EPHA5: variants seen among roughly 807,000 people sequenced by gnomAD.
EPHA5 encodes EPH receptor A5.
EPHA5 carries 60 observed loss-of-function variants against 105.0 expected under a neutral mutation model. The ratio of observed to expected loss-of-function variants is 0.57; its 90% CI spans 0.46 to 0.71. The LOEUF (loss-of-function observed/expected upper bound fraction) is 0.71. EPHA5 is among the 30% of genes least tolerant of loss of function. The pLI, the probability that EPHA5 is intolerant of heterozygous loss-of-function variation, is 0.00. For missense variants in EPHA5, 1,218 were observed against 1,274.7 expected (o/e 0.96, Z 0.68); for synonymous variants, 513 against 449.1 (o/e 1.14, Z -1.80).
Position 65,669,860 on chromosome 4 carries a change from C to T in EPHA5, c.-118G>A, listed in dbSNP as rs1171505837. ...CTTGTCCCCCCTTGGGGTCCTACGC[C>T]TTCTGGCACGCGGCTCCTCCAAATG... On this transcript the variant is annotated 5_prime_UTR_variant, in exon 1 of 17. Coordinates refer to ENST00000613740, the MANE Select transcript of EPHA5 (RefSeq NM_001281766.3). The T allele has an allele frequency of 8.2e-7, 1 of 1,225,280 alleles. No individual in the cohort carries two copies. Among genetic ancestry groups the T allele is most frequent in the Non-Finnish European group, 1.0e-6 (1 of 982,586 alleles). The allele number at this position is 1,225,280 out of a possible 1,614,324, so 75.9% of individuals were successfully genotyped here.
chr4:65,454,208 A>G (rs561138398), intron 5 of EPHA5, among the ~76,000 whole-genome samples: 1 of 152,230 alleles, frequency 6.6e-6, no homozygotes, highest in East Asian at 1.9e-4. Context: ...TGAACTCAGG[A>G]GGCGGAGGTT....
chr4:65,450,062 T>C (rs779222914), intron 5 of EPHA5, among the ~76,000 whole-genome samples: 47 of 152,142 alleles, frequency 3.1e-4, no homozygotes, highest in Non-Finnish European at 6.2e-4. Flanking sequence ...GTTTAAAGCA[T>C]TAAAAAGAAA....
intron 3 of EPHA5, among the ~76,000 whole-genome samples, chr4:65,517,113 T>C (rs139504439): frequency 0.017 from 2,615 of 152,208 alleles, 85 homozygotes; most frequent in African/African-American, 0.059. Context: ...TCATTAATTC[T>C]GTCACATTTT....
intron 3 of EPHA5, among the ~76,000 whole-genome samples, chr4:65,507,667 T>C (rs1733188751): frequency 6.6e-6 from 1 of 152,158 alleles, no homozygotes; most frequent in South Asian, 2.1e-4. Context: ...TCCTCCCTAT[T>C]TGTCTGTTAT....
chr4:65,348,715 GTA>G (rs1332904631), intron 13 of EPHA5, among the ~76,000 whole-genome samples: 5 of 115,568 alleles, frequency 4.3e-5, no homozygotes, highest in African/African-American at 9.5e-5. Flanking sequence ...ATATGTGTGT[GTA>G]TATATATGTG....
intron 14 of EPHA5, among the ~76,000 whole-genome samples, chr4:65,339,797 C>T (rs1354870167): frequency 6.6e-6 from 1 of 152,084 alleles, no homozygotes; most frequent in African/African-American, 2.4e-5. Context: ...ACTCATGCCA[C>T]ACTCACTTGG....
chr4:65,524,147 G>A (rs756513537), intron 3 of EPHA5, among the ~76,000 whole-genome samples: 4 of 151,812 alleles, frequency 2.6e-5, no homozygotes, highest in Non-Finnish European at 5.9e-5. Flanking sequence ...AATCAAACAA[G>A]AGGAATGAGA....
At chr4:65,520,011 G>T in intron 3 of EPHA5, among the ~76,000 whole-genome samples, 1 of 152,240 alleles carries the variant, frequency 6.6e-6, no homozygotes, top group Non-Finnish European at 1.5e-5. Context: ...TTTCTTCACA[G>T]AATTGGAAAA....
chr4:65,473,452 G>A (rs1729486207), intron 5 of EPHA5, among the ~76,000 whole-genome samples: 1 of 152,090 alleles, frequency 6.6e-6, no homozygotes, highest in African/African-American at 2.4e-5. Flanking sequence ...CTTCATAGCT[G>A]GGAGGCCTCA....
Position 65,348,129 on chromosome 4 carries a change from G to C in EPHA5, c.2520C>G (p.Val840=), listed in dbSNP as rs2148842407. The C allele has an allele frequency of 6.2e-7, 1 of 1,613,642 alleles. No individual in the cohort carries two copies. Among genetic ancestry groups the C allele is most frequent in the Non-Finnish European group, 8.5e-7 (1 of 1,179,782 alleles). ...AFRKFTSASD[V]WSYGIVMWEV... is the part of the protein sequence containing the mutation. ...CCCACATTACTATTCCATAACTCCA[G>C]ACATCACTGGCAGAAGTAAACTTTC... Residue 840 remains valine, a synonymous_variant, in exon 14 of 17, where the codon GTC becomes GTG. Transcript: ENST00000613740.
intron 8 of EPHA5, among the ~76,000 whole-genome samples, chr4:65,371,441 T>C (rs765094506): frequency 5.9e-5 from 9 of 152,138 alleles, no homozygotes; most frequent in Non-Finnish European, 1.3e-4. Flanking sequence ...GGATAATACA[T>C]TTCTGATACT....
intron 8 of EPHA5, among the ~76,000 whole-genome samples, chr4:65,403,302 G>T (rs543264754): frequency 6.6e-6 from 1 of 152,056 alleles, no homozygotes; most frequent in Non-Finnish European, 1.5e-5. Flanking sequence ...GAGTCGAATA[G>T]GTGCTGAAGA....
At chr4:65,644,290 A>G (rs1467589552) in intron 1 of EPHA5, among the ~76,000 whole-genome samples, 1 of 151,890 alleles carries the variant, frequency 6.6e-6, no homozygotes, top group Non-Finnish European at 1.5e-5. Context: ...GAGAAATCAA[A>G]CTAGCTTATA....
chr4:65,377,358 TATAA>T (rs1440121968), intron 8 of EPHA5, among the ~76,000 whole-genome samples: 2 of 151,996 alleles, frequency 1.3e-5, no homozygotes, highest in Non-Finnish European at 1.5e-5. Flanking sequence ...CATATAGACA[TATAA>T]ATAAAGATGT....
At chr4:65,343,326 A>G (rs1721915433) in intron 14 of EPHA5, among the ~76,000 whole-genome samples, 1 of 152,054 alleles carries the variant, frequency 6.6e-6, no homozygotes, top group Non-Finnish European at 1.5e-5. Flanking sequence ...TATTTTCATT[A>G]TTGTCATTAC....
intron 1 of EPHA5, among the ~76,000 whole-genome samples, chr4:65,656,049 G>C (rs1310323324): frequency 6.7e-6 from 1 of 149,352 alleles, no homozygotes; most frequent in Non-Finnish European, 1.5e-5. Flanking sequence ...AAACAGCCAG[G>C]AAGCCCAATA....
intron 1 of EPHA5, among the ~76,000 whole-genome samples, chr4:65,659,538 T>C (rs534849963): frequency 6.6e-6 from 1 of 151,960 alleles, no homozygotes; most frequent in South Asian, 2.1e-4. Context: ...GGGAAAAAAT[T>C]ATAGCTATGA....
chr4:65,619,521 T>C (rs1409336370), intron 2 of EPHA5, among the ~76,000 whole-genome samples: 2 of 152,132 alleles, frequency 1.3e-5, no homozygotes, highest in Admixed American at 6.5e-5. Context: ...AACCTGTATA[T>C]TGACATTAAA....
At chr4:65,437,804 C>A (rs961265840) in intron 5 of EPHA5, among the ~76,000 whole-genome samples, 4 of 151,664 alleles carry the variant, frequency 2.6e-5, no homozygotes, top group African/African-American at 4.8e-5. Context: ...CTCACAATGT[C>A]ATAGGGATTT....
Sources: allele counts gnomAD v4.1 joint callset (sites outside exome capture counted in the v4.1 genomes callset), GRCh38; gene constraint gnomAD v4.1.1; transcripts MANE v1.5; gene names NCBI Gene and HGNC (gene_info 2026-07-23, HGNC 2026-07-21).